Variants in KIF13B observed in about 807,000 individuals in gnomAD.
The protein encoded by KIF13B is kinesin-like protein KIF13B.
Under a neutral mutation model 222.0 loss-of-function variants are expected in KIF13B, and 127 were observed. The ratio of observed to expected loss-of-function variants is 0.57; its 90% CI spans 0.50 to 0.66. The LOEUF (loss-of-function observed/expected upper bound fraction) is 0.66, where lower values mean the gene tolerates loss of function less well. KIF13B is among the 30% of genes least tolerant of loss of function. The probability of loss-of-function intolerance (pLI) is 0.00; values close to 1 mark genes in which losing one functional copy is unlikely to be tolerated. For synonymous variants in KIF13B, 976 were observed against 919.0 expected (o/e 1.06, Z -1.12); for missense variants, 2,173 against 2,379.0 (o/e 0.91, Z 1.80).
chr8:29,168,963 A>G (rs1812124132), intron 10 of KIF13B, among the ~76,000 whole-genome samples: 3 of 152,210 alleles, frequency 2.0e-5, no homozygotes, highest in African/African-American at 7.2e-5. Context: ...AAAAGATTGA[A>G]TATACTCTTT....
At chr8:29,225,855 T>C (rs1419762283) in intron 2 of KIF13B, among the ~76,000 whole-genome samples, 1 of 152,196 alleles carries the variant, frequency 6.6e-6, no homozygotes, top group Non-Finnish European at 1.5e-5. Flanking sequence ...AAGCTCACAG[T>C]TGTCAGATGC....
At chr8:29,260,494 A>G (rs1816639980) in intron 1 of KIF13B, among the ~76,000 whole-genome samples, 1 of 152,248 alleles carries the variant, frequency 6.6e-6, no homozygotes, top group African/African-American at 2.4e-5. Context: ...ATAATTATAC[A>G]GTATTACATA....
intron 1 of KIF13B, among the ~76,000 whole-genome samples, chr8:29,261,569 C>T (rs1816681115): frequency 6.6e-6 from 1 of 152,092 alleles, no homozygotes; most frequent in Non-Finnish European, 1.5e-5. Flanking sequence ...TGATGGTAAA[C>T]TGGAAGTAAA....
At chr8:29,232,698 G>A (rs57309207) in intron 2 of KIF13B, among the ~76,000 whole-genome samples, 34,739 of 151,884 alleles carry the variant, frequency 0.23, 4,348 homozygotes, top group African/African-American at 0.32. Flanking sequence ...ACTTGTTCAC[G>A]GTAAGCACAA....
At chr8:29,237,955 A>G (rs1470174991) in intron 2 of KIF13B, among the ~76,000 whole-genome samples, 1 of 152,196 alleles carries the variant, frequency 6.6e-6, no homozygotes, top group Non-Finnish European at 1.5e-5. Context: ...TACTCTAATA[A>G]AATTAGCAGG....
At position 29,160,784 on chromosome 8, in the gene KIF13B, C is replaced by T. The variant is rs1359926718; in HGVS notation, c.1353G>A (p.Val451=). The T allele has an allele frequency of 2.5e-6, 4 of 1,613,592 alleles. No homozygotes were observed. The highest frequency in any genetic ancestry group is 3.4e-6 in the Non-Finnish European group (4 of 1,179,674). ...TCAGAGCTGGGTCAGCATTCAGATTCACAAGGAAGCATTTATCATCCCCAA... is the reference window on the plus strand; with the variant it reads ...TCAGAGCTGGGTCAGCATTCAGATTTACAAGGAAGCATTTATCATCCCCAA... The part of the protein sequence containing the change: ...IKVGDDKCFL[V]NLNADPALNE... Residue 451 remains valine (V), a synonymous_variant, in exon 13 of 40, where the codon GTG becomes GTA. Coordinates refer to ENST00000524189, the MANE Select transcript of KIF13B (RefSeq NM_015254.4).
At position 29,069,882 on chromosome 8, in the gene KIF13B, G is replaced by A. The variant is rs1807172490; in HGVS notation, c.*622C>T. The stretch of plus-strand genomic sequence containing the variant: ...AAACCCTGGCAGAGGAGGGATGGGG[G>A]GGCTCAGGCCCTCGGCCCCCGTCTG... On this transcript the variant is annotated 3_prime_UTR_variant, in exon 40 of 40. Coordinates refer to ENST00000524189, the MANE Select transcript of KIF13B (RefSeq NM_015254.4). The A allele has an allele frequency of 6.6e-6, 1 of 152,322 alleles. No homozygotes were observed. Among genetic ancestry groups the A allele is most frequent in the African/African-American group, 2.4e-5 (1 of 41,440 alleles). The allele number at this position is 152,322 out of a possible 1,614,324, so 9.4% of individuals were successfully genotyped here. A position where few individuals can be genotyped will look rare whatever the true frequency, so the allele number is the denominator to read the frequency against.
Position 29,134,354 on chromosome 8 carries a change from A to G in KIF13B, c.2614-144T>C, listed in dbSNP as rs1459073650. The G allele has an allele frequency of 4.3e-6, 3 of 697,908 alleles. No individual in the cohort carries two copies. The Admixed American group carries it at 8.4e-5, about 20-fold the overall frequency. The allele number at this position is 697,908 out of a possible 1,614,324, so 43.2% of individuals were successfully genotyped here. ...CAAATCCCATTCACCCTGAGACTGG[A>G]CTTCTGCATCTGGGAAATAGTGGTA... On this transcript the variant is annotated intron_variant, in intron 21 of 39. Coordinates refer to ENST00000524189, the MANE Select transcript of KIF13B (RefSeq NM_015254.4).
intron 2 of KIF13B, among the ~76,000 whole-genome samples, chr8:29,233,035 G>A (rs1815355908): frequency 6.6e-6 from 1 of 152,130 alleles, no homozygotes; most frequent in African/African-American, 2.4e-5. Flanking sequence ...ATGTGCCTTT[G>A]ATCCCTGCTA....
At chr8:29,085,705 CTTTTTTTTT>C (rs71222589) in intron 37 of KIF13B, among the ~76,000 whole-genome samples, 13 of 48,768 alleles carry the variant, frequency 2.7e-4, no homozygotes, top group South Asian at 2.6e-3. Flanking sequence ...AAATACTCTT[CTTTTTTTTT>C]TTTTTTTTTT....
intron 6 of KIF13B, among the ~76,000 whole-genome samples, chr8:29,182,525 A>T (rs972760375): frequency 4.6e-5 from 7 of 152,198 alleles, no homozygotes; most frequent in African/African-American, 1.7e-4. Context: ...GGAGGAGGGA[A>T]GTATGATCAT....
At chr8:29,095,057 G>A (rs56000988) in intron 36 of KIF13B, among the ~76,000 whole-genome samples, 13,847 of 151,756 alleles carry the variant, frequency 0.091, 815 homozygotes, top group South Asian at 0.15. Context: ...CTCAGAAAGA[G>A]CAGAGAGAAA....
At chr8:29,086,329 C>A (rs1482995585) in intron 37 of KIF13B, among the ~76,000 whole-genome samples, 1 of 152,144 alleles carries the variant, frequency 6.6e-6, no homozygotes. Flanking sequence ...ATGTGGGTGA[C>A]TAAGCCGGAG....
chr8:29,097,225 A>G (rs914129982), intron 36 of KIF13B, among the ~76,000 whole-genome samples: 2 of 152,224 alleles, frequency 1.3e-5, no homozygotes, highest in East Asian at 3.8e-4. Context: ...CAGAGACAAA[A>G]GGGACATTTC....
chr8:29,256,444 A>AC (rs1816481590), intron 1 of KIF13B, among the ~76,000 whole-genome samples: 2 of 151,214 alleles, frequency 1.3e-5, no homozygotes, highest in South Asian at 4.2e-4. Flanking sequence ...CTCAAATTCC[A>AC]CCCCCATTTC....
Position 29,070,879 on chromosome 8 carries a change from C to T in KIF13B, c.5219-113G>A. On this transcript the variant is annotated intron_variant, in intron 39 of 39. Transcript: ENST00000524189. The surrounding 1 kb of genome is among the most constrained non-coding windows in gnomAD (Gnocchi z 4.1). ...CCACACTGCCACCCCCCCGCACAGG[C>T]CCTACACAGCCAGCACTCGGACACT... The T allele has an allele frequency of 8.8e-7, 1 of 1,136,288 alleles. No homozygotes were observed. The highest frequency in any genetic ancestry group is 1.4e-5 in the South Asian group (1 of 70,062). The allele number at this position is 1,136,288 out of a possible 1,614,324, so 70.4% of individuals were successfully genotyped here. A position where few individuals can be genotyped will look rare whatever the true frequency, so the allele number is the denominator to read the frequency against.
At chr8:29,223,337 A>G (rs967243081) in intron 2 of KIF13B, among the ~76,000 whole-genome samples, 6 of 150,318 alleles carry the variant, frequency 4.0e-5, no homozygotes, top group African/African-American at 1.5e-4. Context: ...GTCTCAAAAA[A>G]AAAAAAAACA....
intron 26 of KIF13B, 122 bp from the exon 27 acceptor site, chr8:29,124,245 T>C: frequency 1.7e-6 from 1 of 588,482 alleles, no homozygotes. Context: ...CAATAATTTC[T>C]TTATTGCTAC....
rs2130150960 is a variant in KIF13B, at chr8:29,165,767, C to A, written c.1164G>T (p.Met388Ile). 1 of 1,607,986 alleles carries A rather than the reference C, an allele frequency of 6.2e-7. No individual in the cohort carries two copies. Among genetic ancestry groups the A allele is most frequent in the East Asian group, 2.2e-5 (1 of 44,868 alleles). Reference protein sequence around the residue: ...LREQLTKAEAMKSPELKDRLE... With the variant: ...LREQLTKAEAIKSPELKDRLE... ...GCCGGTCCTTTAGCTCTGGAGATTT[C>A]ATTGCCTACAAGCAAAATGTTTACT... Residue 388 changes from methionine (M) to isoleucine (I), a missense_variant, in exon 12 of 40, where the codon ATG becomes ATT. Coordinates refer to ENST00000524189, the MANE Select transcript of KIF13B (RefSeq NM_015254.4).
Sources: allele counts gnomAD v4.1 joint callset (sites outside exome capture counted in the v4.1 genomes callset), GRCh38; gene constraint gnomAD v4.1.1; non-coding constraint Gnocchi (gnomAD v3.1); transcripts MANE v1.5; gene names NCBI Gene and HGNC (gene_info 2026-07-23, HGNC 2026-07-21).